The following SYNJ2BP variants were observed in gnomAD, a reference collection of about 807,000 sequenced individuals.
SYNJ2BP encodes the protein synaptojanin 2 binding protein, also known as synaptojanin-2-binding protein.
Under a neutral mutation model 16.9 loss-of-function variants are expected in SYNJ2BP, and 10 were observed. The observed-to-expected ratio is 0.59, with a 90% CI of 0.36 to 1.00. The LOEUF is 1.00. Among genes scored for constraint, SYNJ2BP ranks in the 50% least tolerant of loss-of-function variants. The pLI, the probability that SYNJ2BP is intolerant of heterozygous loss-of-function variation, is 0.01. For synonymous variants in SYNJ2BP, 54 were observed against 68.4 expected (o/e 0.79, Z 1.04); for missense variants, 162 against 186.7 (o/e 0.87, Z 0.77).
chr14:70,389,246 T>C (rs1244599006), intron 1 of SYNJ2BP, among the ~76,000 whole-genome samples: 2 of 152,220 alleles, frequency 1.3e-5, no homozygotes, highest in East Asian at 1.9e-4. Context: ...TTACCAATTA[T>C]CAAATGAACT....
intron 1 of SYNJ2BP, among the ~76,000 whole-genome samples, chr14:70,399,202 C>T (rs1246368789): frequency 6.6e-6 from 1 of 152,162 alleles, no homozygotes; most frequent in Non-Finnish European, 1.5e-5. Flanking sequence ...GGCCCAGCCC[C>T]CATGCTCTGT....
At chr14:70,405,694 TTTA>T (rs1205930841) in intron 1 of SYNJ2BP, among the ~76,000 whole-genome samples, 2 of 152,188 alleles carry the variant, frequency 1.3e-5, no homozygotes, top group African/African-American at 4.8e-5. Flanking sequence ...GATGGATTTG[TTTA>T]TTAAAGTTAG....
At chr14:70,410,451 A>C (rs1210121990) in intron 1 of SYNJ2BP, among the ~76,000 whole-genome samples, 2 of 152,150 alleles carry the variant, frequency 1.3e-5, no homozygotes, top group Non-Finnish European at 2.9e-5. Context: ...AAAACATTCC[A>C]TTATATTATT....
intron 2 of SYNJ2BP, among the ~76,000 whole-genome samples, chr14:70,377,370 T>A (rs1020997185): frequency 1.3e-5 from 2 of 152,170 alleles, no homozygotes; most frequent in Non-Finnish European, 2.9e-5. Context: ...GAAAGGTATA[T>A]TCTCATTCTC....
chr14:70,415,752 G>A (rs1362092262), intron 1 of SYNJ2BP, among the ~76,000 whole-genome samples: 1 of 152,154 alleles, frequency 6.6e-6, no homozygotes, highest in Non-Finnish European at 1.5e-5. Flanking sequence ...ACATTTCAGA[G>A]ATGGAGCTCA....
intron 1 of SYNJ2BP, among the ~76,000 whole-genome samples, chr14:70,401,525 CT>C (rs71105709): frequency 0.088 from 11,164 of 126,788 alleles, 835 homozygotes; most frequent in African/African-American, 0.22. Flanking sequence ...TGGTTCTTGG[CT>C]TTTTTTTTTT....
intron 2 of SYNJ2BP, among the ~76,000 whole-genome samples, chr14:70,388,148 A>G (rs1480894551): frequency 2.0e-5 from 3 of 152,210 alleles, no homozygotes; most frequent in Non-Finnish European, 4.4e-5. Context: ...AGGAGGTGAT[A>G]AAGTAATGGA....
rs183733430 is a variant in SYNJ2BP at position 70,370,970 on chromosome 14, G to T, written c.*2021C>A. Reference sequence around the variant, plus strand: ...AACCCAAAAGCCCTATGGGATGGAGGATATGCACTGTACTTCTTTGTAAAA... The same window carrying T: ...AACCCAAAAGCCCTATGGGATGGAGTATATGCACTGTACTTCTTTGTAAAA... On this transcript the variant is annotated 3_prime_UTR_variant, in exon 4 of 4. Coordinates refer to ENST00000256366, the MANE Select transcript of SYNJ2BP (RefSeq NM_018373.3). 68 of 152,322 alleles carry T rather than the reference G, an allele frequency of 4.5e-4. No homozygotes were observed. The highest frequency in any genetic ancestry group is 1.6e-3 in the African/African-American group (68 of 41,562). 9.4% of individuals were successfully genotyped at this position (152,322 alleles called of 1,614,324 possible). A position where few individuals can be genotyped will look rare whatever the true frequency, so the allele number is the denominator to read the frequency against.
chr14:70,373,212 G>GTT (rs2140804506), intron 3 of SYNJ2BP, 81 bp from the exon 4 acceptor site: 1 of 1,567,932 alleles, frequency 6.4e-7, no homozygotes, highest in African/African-American at 1.4e-5. Context: ...CATCACCTGG[G>GTT]TTTGTAGACT....
intron 1 of SYNJ2BP, among the ~76,000 whole-genome samples, chr14:70,393,965 T>TA (rs71105707): frequency 0.82 from 111,652 of 135,632 alleles, 45,693 homozygotes; most frequent in East Asian, 0.92. Flanking sequence ...AACTTAAAAT[T>TA]AAAAAAAAAA....
intron 2 of SYNJ2BP, among the ~76,000 whole-genome samples, chr14:70,377,074 G>A (rs2140812758): frequency 6.6e-6 from 1 of 152,260 alleles, no homozygotes; most frequent in Middle Eastern, 3.4e-3. Context: ...CGTAAACTTA[G>A]ACTTCAATAT....
intron 1 of SYNJ2BP, among the ~76,000 whole-genome samples, chr14:70,398,807 G>A (rs1888164666): frequency 6.6e-6 from 1 of 152,144 alleles, no homozygotes; most frequent in Non-Finnish European, 1.5e-5. Flanking sequence ...GTCCTCATTG[G>A]GCCGGGGCAA....
intron 2 of SYNJ2BP, among the ~76,000 whole-genome samples, chr14:70,383,320 T>G (rs1286786440): frequency 6.6e-6 from 1 of 152,234 alleles, no homozygotes; most frequent in Non-Finnish European, 1.5e-5. Flanking sequence ...TCTTTCTCAC[T>G]GATTTCTAAG....
At chr14:70,381,858 C>T (rs1428120757) in intron 2 of SYNJ2BP, among the ~76,000 whole-genome samples, 4 of 152,328 alleles carry the variant, frequency 2.6e-5, no homozygotes, top group African/African-American at 7.2e-5. Context: ...CTACATATCC[C>T]TTGCATCTAC....
At position 70,372,431 on chromosome 14, in the gene SYNJ2BP, T is replaced by C. The variant is rs1378224197; in HGVS notation, c.*560A>G. The C allele has an allele frequency of 6.5e-6, 1 of 152,854 alleles. No homozygotes were observed. 9.5% of individuals were successfully genotyped at this position (152,854 alleles called of 1,614,324 possible). On this transcript the variant is annotated 3_prime_UTR_variant, in exon 4 of 4. Coordinates refer to ENST00000256366, the MANE Select transcript of SYNJ2BP (RefSeq NM_018373.3). ...CACCACAAAGTAGCTTTCTCACCTTTAATTCTCCATAGGGATCACTATTAT... is the reference window on the plus strand; with the variant it reads ...CACCACAAAGTAGCTTTCTCACCTTCAATTCTCCATAGGGATCACTATTAT...
intron 1 of SYNJ2BP, among the ~76,000 whole-genome samples, chr14:70,407,865 T>C (rs1888382275): frequency 6.6e-6 from 1 of 152,218 alleles, no homozygotes; most frequent in Non-Finnish European, 1.5e-5. Flanking sequence ...ATGAAATTAC[T>C]TGTTTAATTG....
chr14:70,377,332 T>G (rs1252224920), intron 2 of SYNJ2BP, among the ~76,000 whole-genome samples: 1 of 152,222 alleles, frequency 6.6e-6, no homozygotes, highest in Non-Finnish European at 1.5e-5. Flanking sequence ...ATCCTTTTCT[T>G]GCCATCATTA....
chr14:70,379,720 CAG>C (rs1887707023), intron 2 of SYNJ2BP, among the ~76,000 whole-genome samples: 1 of 152,308 alleles, frequency 6.6e-6, no homozygotes, highest in East Asian at 1.9e-4. Flanking sequence ...TAACTCCTGA[CAG>C]AATAGGTGTG....
intron 2 of SYNJ2BP, among the ~76,000 whole-genome samples, chr14:70,377,602 A>T (rs572784097): frequency 6.6e-6 from 1 of 152,254 alleles, no homozygotes; most frequent in East Asian, 1.9e-4. Context: ...CTTCTCCCTC[A>T]AAGTTTCTTT....
Sources: gnomAD v4.1 joint callset for allele counts (sites outside exome capture counted in the v4.1 genomes callset) on GRCh38, gnomAD v4.1.1 for gene constraint, MANE v1.5 for transcripts, NCBI Gene and HGNC (gene_info 2026-07-23, HGNC 2026-07-21) for gene names.